Variants in ERP44 observed in about 807,000 individuals in gnomAD.
ERP44 encodes the protein endoplasmic reticulum protein 44.
A neutral mutation model predicts 53.4 loss-of-function variants in ERP44; 25 were observed. The ratio of observed to expected loss-of-function variants is 0.47; its 90% CI spans 0.34 to 0.65. ERP44 has a LOEUF of 0.65. Ranked by LOEUF, ERP44 falls within the 30% of genes least tolerant of loss-of-function variation. The pLI, the probability that ERP44 is intolerant of heterozygous loss-of-function variation, is 0.01. For missense variants in ERP44, 338 were observed against 493.2 expected (o/e 0.69, Z 2.98); for synonymous variants, 145 against 161.2 (o/e 0.90, Z 0.76).
At chr9:100,063,075 CAAAAAAAAAA>C (rs58004954) in intron 1 of ERP44, among the ~76,000 whole-genome samples, 1 of 40,084 alleles carries the variant, frequency 2.5e-5, no homozygotes, top group Non-Finnish European at 4.2e-5. Context: ...CCCTGTCTCA[CAAAAAAAAAA>C]AAAAAAAAGA....
intron 4 of ERP44, among the ~76,000 whole-genome samples, chr9:100,048,260 A>G (rs1825998021): frequency 6.6e-6 from 1 of 152,168 alleles, no homozygotes; most frequent in South Asian, 2.1e-4. Flanking sequence ...AACATGGCAC[A>G]TTTATACATA....
At chr9:100,007,292 A>G (rs1830432735) in intron 9 of ERP44, among the ~76,000 whole-genome samples, 1 of 152,252 alleles carries the variant, frequency 6.6e-6, no homozygotes, top group Non-Finnish European at 1.5e-5. Context: ...CACACAAGCA[A>G]TGAAGGCAAG....
chr9:100,017,156 A>G (rs1487602840), intron 7 of ERP44, among the ~76,000 whole-genome samples: 1 of 152,218 alleles, frequency 6.6e-6, no homozygotes, highest in Non-Finnish European at 1.5e-5. Context: ...AGTGTCTAAA[A>G]TGATGATAAA....
intron 3 of ERP44, among the ~76,000 whole-genome samples, chr9:100,057,291 G>A (rs1303026040): frequency 6.6e-6 from 1 of 152,146 alleles, no homozygotes; most frequent in Non-Finnish European, 1.5e-5. Context: ...TGTTCTAGAT[G>A]CTGGGAATAC....
intron 1 of ERP44, among the ~76,000 whole-genome samples, chr9:100,068,552 C>T (rs1211767654): frequency 4.9e-5 from 7 of 143,144 alleles, no homozygotes; most frequent in Non-Finnish European, 1.1e-4. Flanking sequence ...CCAGCCGCCC[C>T]GTCGGGGAGG....
Position 99,981,568 on chromosome 9 carries a change from G to T in ERP44, c.*1044C>A, listed in dbSNP as rs556264864. ...TGACACTGAGGGTCCTCTCCCTCTG[G>T]TTTTATTCCCTGGCAGTATTGAGGC... On this transcript the variant is annotated 3_prime_UTR_variant, in exon 12 of 12. Coordinates refer to ENST00000262455, the MANE Select transcript of ERP44 (RefSeq NM_015051.3). 7 of 152,674 alleles carry T rather than the reference G, an allele frequency of 4.6e-5. No individual in the cohort carries two copies. In the South Asian group the frequency reaches 1.5e-3, roughly 32 times the overall value. The allele number at this position is 152,674 out of a possible 1,614,324, so 9.5% of individuals were successfully genotyped here.
At chr9:100,006,672 G>T in intron 9 of ERP44, 25 bp from the exon 10 acceptor site, 1 of 1,501,348 alleles carries the variant, frequency 6.7e-7, no homozygotes, top group Non-Finnish European at 9.0e-7. Flanking sequence ...AATTTTGAGA[G>T]GTAAATTCAA....
chr9:100,051,360 C>A (rs1252510102), intron 4 of ERP44, among the ~76,000 whole-genome samples: 2 of 152,124 alleles, frequency 1.3e-5, no homozygotes, highest in Admixed American at 1.3e-4. Context: ...ATTTCCTCAT[C>A]AGTAAAATGA....
intron 1 of ERP44, among the ~76,000 whole-genome samples, chr9:100,078,730 G>C (rs1423247748): frequency 6.6e-6 from 1 of 152,002 alleles, no homozygotes; most frequent in Admixed American, 6.5e-5. Flanking sequence ...ACTCCAGCCT[G>C]GGTGACGAGC....
intron 1 of ERP44, among the ~76,000 whole-genome samples, chr9:100,064,206 A>G (rs1179777373): frequency 6.6e-6 from 1 of 152,242 alleles, no homozygotes; most frequent in East Asian, 1.9e-4. Context: ...GACGGGGAGT[A>G]CCTTGAAAGT....
chr9:100,012,347 C>A (rs929104170), intron 8 of ERP44, among the ~76,000 whole-genome samples: 2 of 152,108 alleles, frequency 1.3e-5, no homozygotes, highest in Non-Finnish European at 1.5e-5. Flanking sequence ...ATATTAATCA[C>A]ATTTCATGAG....
At chr9:100,006,693 A>C in intron 9 of ERP44, 46 bp from the exon 10 acceptor site, 1 of 1,410,226 alleles carries the variant, frequency 7.1e-7, no homozygotes. Context: ...ATTTTCTTGA[A>C]AATATTTTTG....
intron 4 of ERP44, among the ~76,000 whole-genome samples, chr9:100,022,616 G>T (rs1326645274): frequency 6.6e-6 from 1 of 152,132 alleles, no homozygotes. Flanking sequence ...CAGCAATAAT[G>T]CCTTATGGGG....
At chr9:100,090,105 G>A (rs1826533995) in intron 1 of ERP44, among the ~76,000 whole-genome samples, 1 of 152,116 alleles carries the variant, frequency 6.6e-6, no homozygotes, top group Non-Finnish European at 1.5e-5. Context: ...TATTTAGAAA[G>A]TTTGAGGAAT....
chr9:100,018,806 G>C (rs1025245441), intron 6 of ERP44, among the ~76,000 whole-genome samples: 10 of 152,196 alleles, frequency 6.6e-5, no homozygotes, highest in African/African-American at 2.4e-4. Flanking sequence ...TAGATTAATT[G>C]AACACTGATT....
At chr9:100,088,583 T>C (rs16918892) in intron 1 of ERP44, among the ~76,000 whole-genome samples, 40,452 of 152,200 alleles carry the variant, frequency 0.27, 5,656 homozygotes, top group South Asian at 0.37. Context: ...TAATAAGGCA[T>C]TGTACAACAA....
chr9:100,043,396 C>T (rs1411100307), intron 4 of ERP44, among the ~76,000 whole-genome samples: 2 of 149,420 alleles, frequency 1.3e-5, no homozygotes, highest in East Asian at 2.0e-4. Flanking sequence ...CGATCTCAAT[C>T]GTTTTAAAGA....
intron 8 of ERP44, among the ~76,000 whole-genome samples, chr9:100,012,474 A>C (rs1442647284): frequency 6.6e-6 from 1 of 152,170 alleles, no homozygotes; most frequent in Non-Finnish European, 1.5e-5. Flanking sequence ...CTTTCTATGA[A>C]ACACTCAGCA....
chr9:100,098,558 C>T lies in ERP44; in HGVS notation c.57+226G>A, dbSNP rs568063706. On this transcript the variant is annotated intron_variant, in intron 1 of 11. Coordinates refer to ENST00000262455, the MANE Select transcript of ERP44 (RefSeq NM_015051.3). ...TCCTACGCCGTGACTACGTATCAGTCCCTCAGGGCTAATTCTCCCATTCTC... is the reference window on the plus strand; with the variant it reads ...TCCTACGCCGTGACTACGTATCAGTTCCTCAGGGCTAATTCTCCCATTCTC... 6.8e-4 allele frequency among the ~76,000 whole-genome samples: 103 copies of T among 152,352 alleles called. No homozygotes were observed. The Middle Eastern group carries it at 0.01, about 15-fold the overall frequency.
Sources: allele counts gnomAD v4.1 joint callset (sites outside exome capture counted in the v4.1 genomes callset), GRCh38; gene constraint gnomAD v4.1.1; transcripts MANE v1.5; gene names NCBI Gene and HGNC (gene_info 2026-07-23, HGNC 2026-07-21).